PCDH15: variants seen among roughly 807,000 people sequenced by gnomAD.
PCDH15 encodes protocadherin related 15.
In PCDH15, 129 loss-of-function variants were observed where a neutral mutation model predicts 178.5. The ratio of observed to expected loss-of-function variants is 0.72; its 90% CI spans 0.63 to 0.84. PCDH15 has a LOEUF of 0.84. Among genes scored for constraint, PCDH15 ranks in the 40% least tolerant of loss-of-function variants. The pLI, the probability that PCDH15 is intolerant of heterozygous loss-of-function variation, is 0.00. For synonymous variants in PCDH15, 800 were observed against 732.0 expected, an observed-to-expected ratio of 1.09 and a Z score of -1.50; for missense variants, 2,230 against 2,099.9, an observed-to-expected ratio of 1.06 and a Z score of -1.21.
chr10:54,877,382 A>G (rs1177027561), intron 3 of PCDH15, among the ~76,000 whole-genome samples: 1 of 152,170 alleles, frequency 6.6e-6, no homozygotes, highest in African/African-American at 2.4e-5. Context: ...TACAGAATAA[A>G]ATGACAATTA....
intron 25 of PCDH15, among the ~76,000 whole-genome samples, chr10:53,934,182 T>C (rs2085350344): frequency 6.6e-6 from 1 of 152,134 alleles, no homozygotes; most frequent in Non-Finnish European, 1.5e-5. Context: ...AACACTTGTA[T>C]ACTAGGAATC....
intron 25 of PCDH15, among the ~76,000 whole-genome samples, chr10:53,934,264 C>G (rs1440455452): frequency 6.6e-6 from 1 of 152,128 alleles, no homozygotes; most frequent in African/African-American, 2.4e-5. Flanking sequence ...TTCATGCAGT[C>G]ACACTAGTCA....
intron 2 of PCDH15, among the ~76,000 whole-genome samples, chr10:55,076,482 C>T (rs1482117390): frequency 2.7e-5 from 4 of 149,070 alleles, no homozygotes; most frequent in South Asian, 2.1e-4. Context: ...GACAGTGTCT[C>T]GCTCTGTCAC....
Position 55,192,000 on chromosome 10 carries a change from G to A in PCDH15, c.-155-25349C>T, listed in dbSNP as rs146866927. Among the ~76,000 whole-genome samples, 63 of 151,994 alleles carry A rather than the reference G, an allele frequency of 4.1e-4. 2 individuals carry two copies. The highest frequency in any genetic ancestry group is 1.5e-3 in the African/African-American group (62 of 41,482). The stretch of plus-strand genomic sequence containing the variant: ...TGTCACACTTTTCAGACAAGAAAAT[G>A]TTTAGCTATTCCATTGTCAGTGTAA... On this transcript the variant is annotated intron_variant, in intron 1 of 5. Transcript: ENST00000458638.
rs143804157 is a variant in PCDH15, at chr10:55,317,957, C to A, written c.-156+1642G>T. 7.0e-3 allele frequency among the ~76,000 whole-genome samples: 1,062 copies of A among 152,222 alleles called. 13 individuals are homozygous for A. Among genetic ancestry groups the A allele is most frequent in the Middle Eastern group, 0.014 (4 of 292 alleles). On this transcript the variant is annotated intron_variant, in intron 1 of 5. Transcript: ENST00000458638. ...AAAATAAAAGAAAGAAGGTGGAGAT[C>A]TGACTCACTTGTTGAGAGCAATAGT...
chr10:53,822,426 G>C, intron 32 of PCDH15: 3 of 1,580,120 alleles, frequency 1.9e-6, no homozygotes, highest in Non-Finnish European at 2.6e-6. Context: ...GTCAGGAGGA[G>C]GAGCAAGAGG....
chr10:55,254,264 T>A (rs1049666188), intron 1 of PCDH15, among the ~76,000 whole-genome samples: 2 of 152,150 alleles, frequency 1.3e-5, no homozygotes, highest in African/African-American at 4.8e-5. Flanking sequence ...ATAAGGTAGG[T>A]TTTTCAAAAG....
chr10:55,505,055 T>C (rs1840732773), intron 2 of PCDH15, among the ~76,000 whole-genome samples: 1 of 151,440 alleles, frequency 6.6e-6, no homozygotes, highest in African/African-American at 2.4e-5. Flanking sequence ...TTGGAAACTT[T>C]TCTGAAGGCA....
At chr10:55,480,069 A>G (rs369665048) in intron 2 of PCDH15, among the ~76,000 whole-genome samples, 47 of 151,780 alleles carry the variant, frequency 3.1e-4, no homozygotes, top group African/African-American at 9.9e-4. Context: ...AAAAACATTG[A>G]ATCTATAAAT....
chr10:54,380,140 C>T (rs988595990), intron 3 of PCDH15, among the ~76,000 whole-genome samples: 2 of 151,872 alleles, frequency 1.3e-5, no homozygotes, highest in South Asian at 2.1e-4. Context: ...AGTCTTTATC[C>T]GCCTAAGAAA....
At chr10:55,190,274 ACT>A (rs1320416638) in intron 1 of PCDH15, among the ~76,000 whole-genome samples, 1 of 150,334 alleles carries the variant, frequency 6.7e-6, no homozygotes, top group Non-Finnish European at 1.5e-5. Context: ...TAAAAAAAAA[ACT>A]TCTGCTGTCA....
intron 26 of PCDH15, among the ~76,000 whole-genome samples, chr10:53,868,265 C>G (rs1159647658): frequency 2.0e-5 from 3 of 151,548 alleles, no homozygotes; most frequent in Non-Finnish European, 4.4e-5. Context: ...TTTACCTATG[C>G]TATTATTATT....
At chr10:54,454,155 A>G (rs1386559897) in intron 3 of PCDH15, among the ~76,000 whole-genome samples, 1 of 149,610 alleles carries the variant, frequency 6.7e-6, no homozygotes, top group East Asian at 1.9e-4. Flanking sequence ...ATAGATTTAT[A>G]TAGTTTTATA....
intron 23 of PCDH15, among the ~76,000 whole-genome samples, chr10:53,958,774 T>C (rs1237561268): frequency 6.6e-6 from 1 of 151,686 alleles, no homozygotes; most frequent in Non-Finnish European, 1.5e-5. Flanking sequence ...AGGTCAGAGA[T>C]CGAGACCATC....
intron 20 of PCDH15, among the ~76,000 whole-genome samples, chr10:54,005,383 G>A (rs1176805704): frequency 6.6e-6 from 1 of 152,016 alleles, no homozygotes; most frequent in Non-Finnish European, 1.5e-5. Context: ...AACCCACAGG[G>A]TGAGCGCAAA....
intron 3 of PCDH15, among the ~76,000 whole-genome samples, chr10:54,839,682 A>T (rs898541070): frequency 6.6e-6 from 1 of 152,106 alleles, no homozygotes; most frequent in Admixed American, 6.6e-5. Flanking sequence ...GGCAAGATAA[A>T]CCCAAGAAAG....
chr10:55,089,851 G>A (rs939824903), intron 2 of PCDH15, among the ~76,000 whole-genome samples: 12 of 152,066 alleles, frequency 7.9e-5, no homozygotes, highest in African/African-American at 2.2e-4. Context: ...ATATTTATTC[G>A]GGAAGTTAAT....
intron 3 of PCDH15, among the ~76,000 whole-genome samples, chr10:54,471,219 T>C (rs191328645): frequency 1.3e-5 from 2 of 152,150 alleles, no homozygotes; most frequent in African/African-American, 2.4e-5. Flanking sequence ...TGGATCATCA[T>C]AAAGAACTTC....
At chr10:53,916,913 GTAA>G (rs1354672879) in intron 25 of PCDH15, among the ~76,000 whole-genome samples, 2 of 145,554 alleles carry the variant, frequency 1.4e-5, no homozygotes, top group Non-Finnish European at 3.0e-5. Context: ...GAAAATATTA[GTAA>G]CATTATTACT....
Sources: gnomAD v4.1 joint callset for allele counts (sites outside exome capture counted in the v4.1 genomes callset) on GRCh38, gnomAD v4.1.1 for gene constraint, MANE v1.5 for transcripts, NCBI Gene and HGNC (gene_info 2026-07-23, HGNC 2026-07-21) for gene names.